UGT3A2: variants seen among roughly 807,000 people sequenced by gnomAD.
UGT3A2 encodes UDP glycosyltransferase family 3 member A2.
A neutral mutation model predicts 39.8 loss-of-function variants in UGT3A2; 32 were observed. The observed-to-expected ratio is 0.80, with a 90% confidence interval of 0.61 to 1.08. The LOEUF (loss-of-function observed/expected upper bound fraction) is 1.08. Ranked by LOEUF, UGT3A2 falls within the 50% of genes least tolerant of loss-of-function variation. The pLI is 0.00. For synonymous variants in UGT3A2, 241 were observed against 230.7 expected (o/e 1.04, Z -0.40); for missense variants, 611 against 637.1 (o/e 0.96, Z 0.44).
chr5:36,049,708 A>G (rs933847026), intron 3 of UGT3A2, among the ~76,000 whole-genome samples: 1 of 152,212 alleles, frequency 6.6e-6, no homozygotes, highest in South Asian at 2.1e-4. Context: ...CATCTCTCAG[A>G]GCAGCAGATC....
chr5:36,066,372 G>A (rs951641747), intron 1 of UGT3A2, among the ~76,000 whole-genome samples: 2 of 152,180 alleles, frequency 1.3e-5, no homozygotes, highest in African/African-American at 4.8e-5. Flanking sequence ...GTCCCACTGC[G>A]CCCTGGAGAA....
At chr5:36,046,949 A>G (rs1193665199) in intron 4 of UGT3A2, among the ~76,000 whole-genome samples, 2 of 152,224 alleles carry the variant, frequency 1.3e-5, no homozygotes, top group Non-Finnish European at 2.9e-5. Context: ...TCTAAGCCAA[A>G]GAGAAAAGTC....
chr5:36,055,068 G>A (rs1445885718), intron 2 of UGT3A2, among the ~76,000 whole-genome samples: 1 of 151,840 alleles, frequency 6.6e-6, no homozygotes, highest in Non-Finnish European at 1.5e-5. Flanking sequence ...AAACCTGGGA[G>A]GAGGAGGTTG....
At chr5:36,051,073 G>A (rs932127754) in intron 3 of UGT3A2, among the ~76,000 whole-genome samples, 3 of 152,150 alleles carry the variant, frequency 2.0e-5, no homozygotes, top group African/African-American at 7.2e-5. Context: ...TGTCAAATGG[G>A]TGGATTAGAT....
intron 4 of UGT3A2, among the ~76,000 whole-genome samples, chr5:36,040,148 A>C (rs1741962205): frequency 6.6e-6 from 1 of 152,130 alleles, no homozygotes; most frequent in African/African-American, 2.4e-5. Context: ...TCATCTACAC[A>C]AAATGTACCC....
chr5:36,044,979 A>G (rs1742121886), intron 4 of UGT3A2, among the ~76,000 whole-genome samples: 1 of 152,202 alleles, frequency 6.6e-6, no homozygotes, highest in Non-Finnish European at 1.5e-5. Context: ...ATGAGGAAAA[A>G]TAATCCTAAA....
intron 3 of UGT3A2, among the ~76,000 whole-genome samples, chr5:36,050,916 T>C (rs144814721): frequency 6.6e-6 from 1 of 151,072 alleles, no homozygotes; most frequent in Non-Finnish European, 1.5e-5. Flanking sequence ...AGTTCATTAA[T>C]CATATTTAAA....
At chr5:36,043,972 A>G (rs531205510) in intron 4 of UGT3A2, among the ~76,000 whole-genome samples, 93 of 152,122 alleles carry the variant, frequency 6.1e-4, no homozygotes, top group African/African-American at 2.0e-3. Context: ...TAAAAAACAT[A>G]GAAGAGAGGG....
chr5:36,066,851 G>A lies in UGT3A2; in HGVS notation c.-62C>T. 6.2e-7 allele frequency: 1 copy of A among 1,600,888 alleles called. No homozygotes were observed. The highest frequency in any genetic ancestry group is 8.6e-7 in the Non-Finnish European group (1 of 1,168,264). On this transcript the variant is annotated 5_prime_UTR_variant, in exon 1 of 7. Transcript: ENST00000282507. ...CTGCGCGCCCTGCGCCCGGCTAAGG[G>A]ACCCTGTGCACCTCAGTGCGCCAAA... is the stretch of plus-strand genomic sequence containing the variant.
chr5:36,040,913 G>A (rs1297420290), intron 4 of UGT3A2, among the ~76,000 whole-genome samples: 1 of 152,110 alleles, frequency 6.6e-6, no homozygotes, highest in African/African-American at 2.4e-5. Flanking sequence ...GAGAGGAGAG[G>A]GAAGAGTTAA....
intron 2 of UGT3A2, among the ~76,000 whole-genome samples, chr5:36,059,758 T>G (rs1287686161): frequency 6.6e-6 from 1 of 152,186 alleles, no homozygotes; most frequent in Non-Finnish European, 1.5e-5. Flanking sequence ...AATTGTAGCT[T>G]GTGGAGCAGA....
chr5:36,064,471 G>A (rs1368275744), intron 1 of UGT3A2, 121 bp from the exon 2 acceptor site: 1 of 889,632 alleles, frequency 1.1e-6, no homozygotes, highest in Admixed American at 2.5e-5. Context: ...GGAGGAAGAT[G>A]AGTTTTGCCA....
chr5:36,041,664 G>A (rs1237324325), intron 4 of UGT3A2, among the ~76,000 whole-genome samples: 1 of 152,184 alleles, frequency 6.6e-6, no homozygotes, highest in Non-Finnish European at 1.5e-5. Context: ...AAGGCTGCAA[G>A]AGTCAGCATG....
In UGT3A2 at chr5:36,035,958, C is replaced by A; in HGVS notation, c.1312G>T (p.Val438Leu). 1 of 1,613,784 alleles carries A rather than the reference C, an allele frequency of 6.2e-7. No homozygotes were observed. Among genetic ancestry groups the A allele is most frequent in the Non-Finnish European group, 8.5e-7 (1 of 1,179,740 alleles). ...GAGCGCAGGATGACACTGGCAGCCA[C>A]TGCCGCGGACTTGTATCTGTTGAGA... The part of the protein sequence containing the change: ...MEDKRYKSAA[V>L]AASVILRSHP... The change falls in exon 7 of 7, where the codon GTG (valine) becomes TTG (leucine). Residue 438 changes from valine (V) to leucine (L), a missense_variant. By Grantham distance (32) the Val-to-Leu change is conservative. Coordinates refer to ENST00000282507, the MANE Select transcript of UGT3A2 (RefSeq NM_174914.4).
intron 1 of UGT3A2, among the ~76,000 whole-genome samples, chr5:36,065,786 T>C (rs936089472): frequency 3.9e-5 from 6 of 152,138 alleles, no homozygotes; most frequent in South Asian, 2.1e-4. Context: ...CATCCTTCAA[T>C]TGCCCTCTCA....
intron 6 of UGT3A2, among the ~76,000 whole-genome samples, chr5:36,036,854 T>A (rs996830034): frequency 1.3e-5 from 2 of 152,202 alleles, no homozygotes; most frequent in South Asian, 4.1e-4. Flanking sequence ...AATAAATTAT[T>A]CAGTCCTTTT....
chr5:36,035,566 T>C lies in UGT3A2; in HGVS notation c.*132A>G. ...AAGTGGAAAGGATGATTTTTGGCCATTTTTCCTGTTCTTCAAGAAAACAGG... is the reference window on the plus strand; with the variant it reads ...AAGTGGAAAGGATGATTTTTGGCCACTTTTCCTGTTCTTCAAGAAAACAGG... On this transcript the variant is annotated 3_prime_UTR_variant, in exon 7 of 7. Transcript: ENST00000282507. 7.4e-7 allele frequency: 1 copy of C among 1,358,690 alleles called. No homozygotes were observed. Among genetic ancestry groups the C allele is most frequent in the Non-Finnish European group, 9.9e-7 (1 of 1,012,384 alleles). 84.2% of individuals were successfully genotyped at this position (1,358,690 alleles called of 1,614,324 possible).
intron 4 of UGT3A2, among the ~76,000 whole-genome samples, chr5:36,041,751 T>C (rs1199726795): frequency 6.6e-6 from 1 of 152,196 alleles, no homozygotes; most frequent in Non-Finnish European, 1.5e-5. Flanking sequence ...CAATTCCCTT[T>C]GCACACTTGG....
At chr5:36,061,622 T>G (rs1415034801) in intron 2 of UGT3A2, among the ~76,000 whole-genome samples, 1 of 150,452 alleles carries the variant, frequency 6.6e-6, no homozygotes, top group Non-Finnish European at 1.5e-5. Flanking sequence ...TGCCACATTT[T>G]CTTAATCCAG....
Sources: allele counts gnomAD v4.1 joint callset (sites outside exome capture counted in the v4.1 genomes callset), GRCh38; gene constraint gnomAD v4.1.1; transcripts MANE v1.5; gene names NCBI Gene and HGNC (gene_info 2026-07-23, HGNC 2026-07-21).